Variants in PARD3B observed in about 807,000 individuals in gnomAD.
The protein encoded by PARD3B is par-3 family cell polarity regulator beta, also known as partitioning defective 3 homolog B.
In PARD3B, 103 loss-of-function variants were observed where a neutral mutation model predicts 130.2. The ratio of observed to expected loss-of-function variants is 0.79; its 90% CI spans 0.67 to 0.93. The LOEUF (loss-of-function observed/expected upper bound fraction) is 0.93. Ranked by LOEUF, PARD3B falls within the 40% of genes least tolerant of loss-of-function variation. The pLI, the probability that PARD3B is intolerant of heterozygous loss-of-function variation, is 0.00. For synonymous variants in PARD3B, 583 were observed against 553.2 expected (o/e 1.05, Z -0.76); for missense variants, 1,609 against 1,499.2 (o/e 1.07, Z -1.21).
At chr2:205,450,056 TGTAA>T (rs2048044212) in intron 20 of PARD3B, among the ~76,000 whole-genome samples, 1 of 152,210 alleles carries the variant, frequency 6.6e-6, no homozygotes. Context: ...GATTTCTCAC[TGTAA>T]AATGAAGACA....
At position 204,626,545 on chromosome 2, in the gene PARD3B, G is replaced by GT. The variant is rs976295299; in HGVS notation, c.121-59625dup. On this transcript the variant is annotated intron_variant, in intron 1 of 22. Transcript: ENST00000406610. ...AGATAGACGATAAATATGATTTCAA[G>GT]TTTTTTTTTTTACATATTTAAAAAA... Among the ~76,000 whole-genome samples, 345 of 145,696 alleles carry GT rather than the reference G, an allele frequency of 2.4e-3. 1 individual carries two copies. The highest frequency in any genetic ancestry group is 3.1e-3 in the Non-Finnish European group (207 of 65,848).
intron 1 of PARD3B, among the ~76,000 whole-genome samples, chr2:204,617,828 A>G (rs745580733): frequency 6.6e-6 from 1 of 152,214 alleles, no homozygotes; most frequent in Non-Finnish European, 1.5e-5. Flanking sequence ...TAAGTTGCTT[A>G]GGATAATGGC....
In PARD3B at chr2:204,737,900, G is replaced by A. The variant is rs570242433; in HGVS notation, c.222+51618G>A. On this transcript the variant is annotated intron_variant, in intron 2 of 22. Coordinates refer to ENST00000406610, the MANE Select transcript of PARD3B (RefSeq NM_001302769.2). The stretch of plus-strand genomic sequence containing the variant: ...TGTACATATTTGGCTTTATTTCTGG[G>A]TTCTCTGTTCTTTTCCATAGATCTA... 6.6e-5 allele frequency among the ~76,000 whole-genome samples: 10 copies of A among 152,108 alleles called. 1 individual carries two copies. The highest frequency in any genetic ancestry group is 2.2e-4 in the African/African-American group (9 of 41,480).
chr2:205,086,585 G>T (rs16836904), intron 4 of PARD3B, among the ~76,000 whole-genome samples: 38,209 of 151,970 alleles, frequency 0.25, 5,170 homozygotes, highest in South Asian at 0.46. Flanking sequence ...AGATATTTTT[G>T]TTATGGTTTT....
At chr2:205,270,861 G>T (rs1003169548) in intron 16 of PARD3B, among the ~76,000 whole-genome samples, 1 of 152,040 alleles carries the variant, frequency 6.6e-6, no homozygotes, top group Non-Finnish European at 1.5e-5. Context: ...CCCCCAGACG[G>T]CTTTAACACA....
chr2:204,679,184 A>G (rs2036703294), intron 1 of PARD3B, among the ~76,000 whole-genome samples: 1 of 152,168 alleles, frequency 6.6e-6, no homozygotes, highest in South Asian at 2.1e-4. Context: ...TGTAGTTTAT[A>G]CATTCTACTG....
chr2:204,808,536 A>G (rs1337372713), intron 2 of PARD3B, among the ~76,000 whole-genome samples: 1 of 151,968 alleles, frequency 6.6e-6, no homozygotes, highest in African/African-American at 2.4e-5. Context: ...CTTTGTGTCC[A>G]TGTGAGCTCA....
At chr2:205,484,669 T>A (rs564914226) in intron 20 of PARD3B, among the ~76,000 whole-genome samples, 4 of 152,188 alleles carry the variant, frequency 2.6e-5, no homozygotes, top group Non-Finnish European at 5.9e-5. Context: ...TCAGAAAGCA[T>A]AGTGTTGACG....
intron 1 of PARD3B, among the ~76,000 whole-genome samples, chr2:204,640,647 A>G (rs1010776510): frequency 6.6e-6 from 1 of 152,174 alleles, no homozygotes; most frequent in Non-Finnish European, 1.5e-5. Context: ...CTTGCTGTGA[A>G]TAGGTCCTTC....
intron 2 of PARD3B, among the ~76,000 whole-genome samples, chr2:204,886,754 G>T (rs1217024477): frequency 6.6e-6 from 1 of 152,148 alleles, no homozygotes; most frequent in East Asian, 1.9e-4. Flanking sequence ...GGTTCAGTTT[G>T]GGCTACCTGG....
intron 2 of PARD3B, among the ~76,000 whole-genome samples, chr2:204,726,106 A>T (rs1257559345): frequency 1.3e-5 from 2 of 152,234 alleles, no homozygotes; most frequent in Non-Finnish European, 2.9e-5. Flanking sequence ...ATGCCTGTAC[A>T]TATAGGAAGT....
rs144425828 is a variant in PARD3B, at chr2:205,418,006, T to C, written c.2741+16883T>C. 4.0e-3 allele frequency among the ~76,000 whole-genome samples: 603 copies of C among 152,334 alleles called. 7 individuals carry two copies. Among genetic ancestry groups the C allele is most frequent in the African/African-American group, 0.013 (554 of 41,576 alleles). Reference sequence around the variant, plus strand: ...TTCTCTTGTGTCTTTTTTTCTTCTTTCCTCATTTTTCATTTTTTACGTTTT... The same window carrying C: ...TTCTCTTGTGTCTTTTTTTCTTCTTCCCTCATTTTTCATTTTTTACGTTTT... On this transcript the variant is annotated intron_variant, in intron 19 of 22. Transcript: ENST00000406610.
intron 22 of PARD3B, among the ~76,000 whole-genome samples, chr2:205,578,638 T>C (rs901644943): frequency 6.6e-6 from 1 of 152,240 alleles, no homozygotes; most frequent in African/African-American, 2.4e-5. Context: ...TATCAAGGTA[T>C]TGGTGGTGTC....
chr2:204,649,703 G>A (rs2035411259), intron 1 of PARD3B, among the ~76,000 whole-genome samples: 2 of 152,146 alleles, frequency 1.3e-5, no homozygotes, highest in Admixed American at 6.6e-5. Flanking sequence ...TGGATAACTG[G>A]CTAGCCATAT....
intron 2 of PARD3B, among the ~76,000 whole-genome samples, chr2:204,711,263 C>T (rs1177998538): frequency 1.3e-5 from 2 of 152,216 alleles, no homozygotes. Context: ...AATACTGACA[C>T]TGCTTGTTTT....
intron 6 of PARD3B, among the ~76,000 whole-genome samples, chr2:205,118,350 A>G (rs1208337483): frequency 6.6e-6 from 1 of 152,044 alleles, no homozygotes; most frequent in South Asian, 2.1e-4. Context: ...TTTGTCTCAT[A>G]CTCCTCCATC....
rs192428903 is a variant in PARD3B, at chr2:205,229,570, T to C, written c.2141-16208T>C. On this transcript the variant is annotated intron_variant, in intron 15 of 22. Coordinates refer to ENST00000406610, the MANE Select transcript of PARD3B (RefSeq NM_001302769.2). The surrounding 1 kb of genome is among the most constrained non-coding windows in gnomAD (Gnocchi z 5.2). Reference sequence around the variant, plus strand: ...GTGTAGGGCTGACACAAGCACCCTGTGGCCACTACGACTACCACTGGTACT... The same window carrying C: ...GTGTAGGGCTGACACAAGCACCCTGCGGCCACTACGACTACCACTGGTACT... 6.6e-6 allele frequency among the ~76,000 whole-genome samples: 1 copy of C among 152,196 alleles called. No homozygotes were observed. Among genetic ancestry groups the C allele is most frequent in the Non-Finnish European group, 1.5e-5 (1 of 67,998 alleles).
chr2:205,137,027 C>A (rs935929461), intron 10 of PARD3B, among the ~76,000 whole-genome samples: 4 of 152,084 alleles, frequency 2.6e-5, no homozygotes, highest in Admixed American at 2.6e-4. Flanking sequence ...TCCAGGAGTT[C>A]ATAGATAATG....
intron 16 of PARD3B, among the ~76,000 whole-genome samples, chr2:205,272,245 T>C (rs1574559665): frequency 2.6e-5 from 4 of 152,278 alleles, no homozygotes; most frequent in South Asian, 4.1e-4. Flanking sequence ...TTTTGCTTAA[T>C]TTGATTTTTC....
Sources: allele counts gnomAD v4.1 joint callset (sites outside exome capture counted in the v4.1 genomes callset), GRCh38; gene constraint gnomAD v4.1.1; non-coding constraint Gnocchi (gnomAD v3.1); transcripts MANE v1.5; gene names NCBI Gene and HGNC (gene_info 2026-07-23, HGNC 2026-07-21).